NR3C2: variants seen among roughly 807,000 people sequenced by gnomAD.
NR3C2 encodes the protein nuclear receptor subfamily 3 group C member 2, also known as mineralocorticoid receptor.
NR3C2 carries 15 observed loss-of-function variants against 86.4 expected under a neutral mutation model. That is an observed-to-expected ratio of 0.17 (90% CI 0.12 to 0.27). NR3C2 has a LOEUF of 0.27. Among genes scored for constraint, NR3C2 ranks in the 10% least tolerant of loss-of-function variants. NR3C2 has a pLI of 1.00. For missense variants in NR3C2, 960 were observed against 1,195.6 expected (o/e 0.80, Z 2.91); for synonymous variants, 458 against 450.5 (o/e 1.02, Z -0.21).
chr4:148,181,770 C>A (rs894266249), intron 4 of NR3C2, among the ~76,000 whole-genome samples: 2 of 152,172 alleles, frequency 1.3e-5, no homozygotes, highest in African/African-American at 4.8e-5. Flanking sequence ...ATTCTCACAT[C>A]TTCTGCTGTA....
intron 3 of NR3C2, among the ~76,000 whole-genome samples, chr4:148,255,844 A>T (rs925039637): frequency 6.6e-6 from 1 of 152,232 alleles, no homozygotes; most frequent in African/African-American, 2.4e-5. Flanking sequence ...AAAAATGAGA[A>T]ATTACAGATT....
intron 2 of NR3C2, among the ~76,000 whole-genome samples, chr4:148,420,525 A>T (rs1579278107): frequency 6.6e-6 from 1 of 152,126 alleles, no homozygotes; most frequent in Non-Finnish European, 1.5e-5. Flanking sequence ...CCAGAATAAC[A>T]CCTACCACAA....
chr4:148,381,111 C>A lies in NR3C2; in HGVS notation c.1757+53993G>T, dbSNP rs77758172. On this transcript the variant is annotated intron_variant, in intron 2 of 8. Transcript: ENST00000358102. Reference sequence around the variant, plus strand: ...GGTATGGTTGCACACGCCTGTAGTCCCAGCTGTTCAGGAGGCTGAGGCAGG... The same window carrying A: ...GGTATGGTTGCACACGCCTGTAGTCACAGCTGTTCAGGAGGCTGAGGCAGG... 8.5e-4 allele frequency among the ~76,000 whole-genome samples: 129 copies of A among 151,972 alleles called. 2 individuals are homozygous for A. The East Asian group carries it at 0.023, about 27-fold the overall frequency.
At chr4:148,107,590 C>T (rs1249954163) in intron 8 of NR3C2, among the ~76,000 whole-genome samples, 1 of 152,178 alleles carries the variant, frequency 6.6e-6, no homozygotes, top group African/African-American at 2.4e-5. Flanking sequence ...AGACTTGGAA[C>T]CAACCCAAAT....
intron 4 of NR3C2, among the ~76,000 whole-genome samples, chr4:148,174,380 T>C (rs1008764433): frequency 6.6e-6 from 1 of 152,106 alleles, no homozygotes; most frequent in African/African-American, 2.4e-5. Context: ...TCTAAAAAAG[T>C]TCAATGGCAT....
At chr4:148,121,025 G>C (rs941479724) in intron 6 of NR3C2, among the ~76,000 whole-genome samples, 3 of 152,080 alleles carry the variant, frequency 2.0e-5, no homozygotes, top group Non-Finnish European at 2.9e-5. Flanking sequence ...AGTAAGCAAG[G>C]CATCACTATT....
At chr4:148,133,193 C>CA (rs372452845) in intron 6 of NR3C2, among the ~76,000 whole-genome samples, 3,819 of 97,040 alleles carry the variant, frequency 0.039, 59 homozygotes, top group African/African-American at 0.069. Context: ...GAACCTGTCT[C>CA]AAAAAAAAAA....
chr4:148,401,963 C>A (rs766049140), intron 2 of NR3C2, among the ~76,000 whole-genome samples: 20 of 152,074 alleles, frequency 1.3e-4, no homozygotes, highest in Non-Finnish European at 2.4e-4. Flanking sequence ...ACTGTAAGGT[C>A]TCTGTTACAG....
At chr4:148,271,940 A>C (rs1246698603) in intron 2 of NR3C2, among the ~76,000 whole-genome samples, 1 of 152,188 alleles carries the variant, frequency 6.6e-6, no homozygotes, top group Admixed American at 6.5e-5. Flanking sequence ...ATTAAAGAAT[A>C]AGGATAGTTA....
intron 2 of NR3C2, among the ~76,000 whole-genome samples, chr4:148,357,303 A>T (rs1579200356): frequency 6.6e-6 from 1 of 152,182 alleles, no homozygotes; most frequent in Non-Finnish European, 1.5e-5. Flanking sequence ...CTGTAGTAAA[A>T]GTGTTAGTAT....
chr4:148,267,940 T>G (rs1035966995), intron 2 of NR3C2, among the ~76,000 whole-genome samples: 2 of 16,724 alleles, frequency 1.2e-4, no homozygotes, highest in African/African-American at 1.9e-4. Flanking sequence ...AGTCACAGTG[T>G]TTTTTTTTTT....
chr4:148,223,434 T>C (rs1305478310), intron 3 of NR3C2, among the ~76,000 whole-genome samples: 1 of 152,204 alleles, frequency 6.6e-6, no homozygotes. Context: ...CTGTGTATTA[T>C]ACAAATCTGT....
rs74948640 is a variant in NR3C2 at position 148,253,090 on chromosome 4, C to T, written c.1897+6888G>A. On this transcript the variant is annotated intron_variant, in intron 3 of 8. Coordinates refer to ENST00000358102, the MANE Select transcript of NR3C2 (RefSeq NM_000901.5). ...TTTCAAATCATTTTCTAATAAATTA[C>T]TTCAACATATTTTCCACTTTGGAGA... Among the ~76,000 whole-genome samples the T allele has an allele frequency of 7.5e-3, 1,149 of 152,256 alleles. 37 individuals are homozygous for T. Among genetic ancestry groups the T allele is most frequent in the East Asian group, 0.059 (304 of 5,192 alleles).
At chr4:148,101,696 C>T (rs1254399130) in intron 8 of NR3C2, among the ~76,000 whole-genome samples, 2 of 152,172 alleles carry the variant, frequency 1.3e-5, no homozygotes, top group African/African-American at 4.8e-5. Context: ...CAAAGATAGG[C>T]TTGTTAAGCT....
chr4:148,218,929 T>C (rs182430991), intron 3 of NR3C2, among the ~76,000 whole-genome samples: 1 of 152,338 alleles, frequency 6.6e-6, no homozygotes, highest in Admixed American at 6.5e-5. Context: ...GTATTGAATA[T>C]AAATCTTTGT....
At chr4:148,311,031 C>T (rs1458937648) in intron 2 of NR3C2, among the ~76,000 whole-genome samples, 1 of 152,188 alleles carries the variant, frequency 6.6e-6, no homozygotes, top group African/African-American at 2.4e-5. Flanking sequence ...GCATCAGACA[C>T]ATTTCATCTC....
At chr4:148,288,842 C>G (rs780992835) in intron 2 of NR3C2, among the ~76,000 whole-genome samples, 3 of 152,086 alleles carry the variant, frequency 2.0e-5, no homozygotes, top group Non-Finnish European at 4.4e-5. Flanking sequence ...TGTTATGCCC[C>G]CTGCTTAATA....
At chr4:148,113,918 AC>A (rs1732155738) in intron 8 of NR3C2, among the ~76,000 whole-genome samples, 185 bp downstream of exon 8, 1 of 151,996 alleles carries the variant, frequency 6.6e-6, no homozygotes, top group African/African-American at 2.4e-5. Flanking sequence ...TACCCAATAA[AC>A]CCTATGTCTC....
intron 7 of NR3C2, among the ~76,000 whole-genome samples, chr4:148,118,241 A>G (rs945803967): frequency 3.3e-5 from 5 of 152,098 alleles, no homozygotes; most frequent in African/African-American, 1.2e-4. Flanking sequence ...CAGAAGCCCA[A>G]AACAGCTTCT....
Sources: allele counts gnomAD v4.1 joint callset (sites outside exome capture counted in the v4.1 genomes callset), GRCh38; gene constraint gnomAD v4.1.1; transcripts MANE v1.5; gene names NCBI Gene and HGNC (gene_info 2026-07-23, HGNC 2026-07-21).